The following TRIM66 variants were observed in gnomAD, a reference collection of about 807,000 sequenced individuals.
The protein encoded by TRIM66 is tripartite motif containing 66.
A neutral mutation model predicts 148.2 loss-of-function variants in TRIM66; 99 were observed. The observed-to-expected ratio is 0.67, with a 90% CI of 0.57 to 0.79. The LOEUF is 0.79. Among genes scored for constraint, TRIM66 ranks in the 30% least tolerant of loss-of-function variants. TRIM66 has a pLI of 0.00. For synonymous variants in TRIM66, 616 were observed against 635.9 expected (o/e 0.97, Z 0.47); for missense variants, 1,666 against 1,697.9 (o/e 0.98, Z 0.33).
intron 3 of TRIM66, chr11:8,679,168 A>T (rs1490042725): frequency 6.6e-6 from 1 of 152,246 alleles, no homozygotes; most frequent in Non-Finnish European, 1.5e-5. Flanking sequence ...CACTTTGCAG[A>T]CAGAAAACTC....
At chr11:8,646,396 T>C in intron 11 of TRIM66, 51 bp downstream of exon 11, 1 of 1,455,416 alleles carries the variant, frequency 6.9e-7, no homozygotes, top group African/African-American at 1.4e-5. Flanking sequence ...ACTAGCTTGA[T>C]ATATGGATGG....
Position 8,640,539 on chromosome 11 carries a change from G to C in TRIM66, c.1836C>G (p.Pro612=), listed in dbSNP as rs781323213. 3 of 1,297,942 alleles carry C rather than the reference G, an allele frequency of 2.3e-6. No homozygotes were observed. Among genetic ancestry groups the C allele is most frequent in the Non-Finnish European group, 3.2e-6 (3 of 932,878 alleles). The allele number at this position is 1,297,942 out of a possible 1,614,324, so 80.4% of individuals were successfully genotyped here. ...LPPPPPPLPH[P]PPPLPPPPQQ... ...GTGGGGGAGGGGGAAGGGGAGGTGG[G>C]GGATGGGGGAGGGGTGGTGGTGGAG... The change falls in exon 14 of 25, where the codon CCC becomes CCG. Residue 612 remains proline (P), a synonymous_variant. Transcript: ENST00000646038.
At chr11:8,637,207 C>T (rs375545754) in intron 15 of TRIM66, among the ~76,000 whole-genome samples, 1 of 152,182 alleles carries the variant, frequency 6.6e-6, no homozygotes, top group Non-Finnish European at 1.5e-5. Context: ...GTCTCTTCCA[C>T]CAGACTGTAC....
rs552889745 is a variant in TRIM66 at position 8,648,461 on chromosome 11, A to C, written c.680T>G (p.Met227Arg). Residue 227 changes from methionine (M) to arginine (R), a missense_variant, in exon 9 of 25, where the codon ATG becomes AGG. Coordinates refer to ENST00000646038, the MANE Select transcript of TRIM66 (RefSeq NM_001388022.1). Reference protein sequence around the residue: ...VLKLFCETCDMLTCHSCLVVE... With the variant: ...VLKLFCETCDRLTCHSCLVVE... ...CACTAGGCAGCTATGGCAAGTGAGC[A>C]TATCACATGTCTCACAGAATAGCTT... The C allele has an allele frequency of 4.1e-5, 64 of 1,551,768 alleles. No individual in the cohort carries two copies. In the Admixed American group the frequency reaches 9.8e-4, roughly 24 times the overall value.
At chr11:8,668,114 A>G (rs1022128019) in intron 6 of TRIM66, among the ~76,000 whole-genome samples, 1 of 152,140 alleles carries the variant, frequency 6.6e-6, no homozygotes. Flanking sequence ...TAGCCATCCT[A>G]ATGTACTTGA....
upstream of TRIM66, chr11:8,683,115 C>T: frequency 7.3e-7 from 1 of 1,377,930 alleles, no homozygotes; most frequent in Non-Finnish European, 1.0e-6. Context: ...GTCTTTGACC[C>T]ACAGGCTTAC....
chr11:8,654,908 T>C (rs1001022089), intron 6 of TRIM66, among the ~76,000 whole-genome samples: 1 of 152,060 alleles, frequency 6.6e-6, no homozygotes, highest in Non-Finnish European at 1.5e-5. Flanking sequence ...TCACCCAGGG[T>C]GGACTGCAGC....
chr11:8,644,516 G>A (rs2036681562), intron 12 of TRIM66: 4 of 420,122 alleles, frequency 9.5e-6, no homozygotes, highest in South Asian at 7.0e-5. Flanking sequence ...CTACAGCATT[G>A]TCCCCTTCCT....
At chr11:8,652,526 T>C (rs2037448544) in intron 6 of TRIM66, among the ~76,000 whole-genome samples, 1 of 152,156 alleles carries the variant, frequency 6.6e-6, no homozygotes, top group African/African-American at 2.4e-5. Context: ...ATCATATATA[T>C]GTATATTTTA....
Position 8,624,779 on chromosome 11 carries a change from G to A in TRIM66, c.2760C>T (p.Gly920=). 1 of 1,550,626 alleles carries A rather than the reference G, an allele frequency of 6.4e-7. No homozygotes were observed. Among genetic ancestry groups the A allele is most frequent in the Non-Finnish European group, 8.7e-7 (1 of 1,146,304 alleles). ...QPETGSSSSS[G]RTSGSLCPRD... is the part of the protein sequence containing the mutation. ...TGGGACACAGGCTCCCTGAAGTTCG[G>A]CCAGAACTGGAGCTGGACCCAGTTT... The change falls in exon 16 of 25, where the codon GGC becomes GGT. Residue 920 remains glycine (G), a synonymous_variant. Transcript: ENST00000646038.
At chr11:8,639,157 C>G (rs1431074539) in intron 14 of TRIM66, among the ~76,000 whole-genome samples, 1 of 152,178 alleles carries the variant, frequency 6.6e-6, no homozygotes, top group Non-Finnish European at 1.5e-5. Flanking sequence ...TATTCTATAT[C>G]TCCTCAAAAG....
At chr11:8,619,326 C>CA in intron 23 of TRIM66, 57 bp downstream of exon 23, 3 of 1,414,300 alleles carry the variant, frequency 2.1e-6, no homozygotes, top group Non-Finnish European at 2.8e-6. Context: ...CCTACCCACC[C>CA]ATGACAGTCC....
At position 8,618,797 on chromosome 11, in the gene TRIM66, G is replaced by A. The variant is rs542357384; in HGVS notation, c.4072C>T (p.Pro1358Ser). Residue 1358 changes from proline to serine, a missense_variant, in exon 24 of 25, where the codon CCC becomes TCC. Pro to Ser is a moderately conservative substitution (Grantham distance 74). Transcript: ENST00000646038. Reference sequence around the variant, plus strand: ...GGTTGGATGCCCTCCTGCATGTAGGGAGGCCACGGGAAGCCCTGGGGAGTG... The same window carrying A: ...GGTTGGATGCCCTCCTGCATGTAGGAAGGCCACGGGAAGCCCTGGGGAGTG... The part of the protein sequence containing the change: ...CSTPQGFPWP[P>S]YMQEGIQPKR... 3.2e-6 allele frequency: 5 copies of A among 1,551,260 alleles called. No homozygotes were observed. The highest frequency in any genetic ancestry group is 3.9e-5 in the Admixed American group (2 of 50,970).
In TRIM66 at chr11:8,638,650, G is replaced by C; in HGVS notation, c.2310+4C>G. On this transcript the variant is annotated splice_donor_region_variant and intron_variant, in intron 15 of 24. Coordinates refer to ENST00000646038, the MANE Select transcript of TRIM66 (RefSeq NM_001388022.1). ...TAGTTAGGGAAAACAGGCTCCTTCA[G>C]TACCTTTCTCACCACATTTGGAGAG... 1 of 1,547,638 alleles carries C rather than the reference G, an allele frequency of 6.5e-7. No individual in the cohort carries two copies. The highest frequency in any genetic ancestry group is 2.0e-5 in the Admixed American group (1 of 49,702).
Position 8,672,021 on chromosome 11 carries a change from G to T in TRIM66, c.105C>A (p.Gly35=). The change falls in exon 6 of 25, where the codon GGC becomes GGA. Residue 35 remains glycine (G), a synonymous_variant. Transcript: ENST00000646038. ...AGCTCATGCCCATGTCCACAGCCAT[G>T]CCTGTGCCCAGGACTGGGGCTTTTC... ...ISGKAPVLGT[G]MAVDMGMSFM... is the part of the protein sequence containing the mutation. The T allele has an allele frequency of 6.5e-7, 1 of 1,535,984 alleles. No individual in the cohort carries two copies.
intron 7 of TRIM66, among the ~76,000 whole-genome samples, chr11:8,650,692 A>G (rs1349515885): frequency 6.6e-6 from 1 of 152,214 alleles, no homozygotes; most frequent in Non-Finnish European, 1.5e-5. Flanking sequence ...AAGGAAGCAA[A>G]GGAAGCCTTC....
rs2039103988 is a variant in TRIM66 at position 8,674,833 on chromosome 11, T to C, written c.-139A>G. 6.6e-6 allele frequency: 1 copy of C among 152,264 alleles called. No homozygotes were observed. Among genetic ancestry groups the C allele is most frequent in the South Asian group, 2.1e-4 (1 of 4,836 alleles). The allele number at this position is 152,264 out of a possible 1,614,324, so 9.4% of individuals were successfully genotyped here. ...GTTTCTGCAGTCAATCTGTTATATG[T>C]TGTTTTGTTCACAGTATATGAGGAA... is the stretch of plus-strand genomic sequence containing the variant. On this transcript the variant is annotated 5_prime_UTR_variant, in exon 4 of 25. Transcript: ENST00000646038.
At chr11:8,682,840 C>G (rs371359560), upstream of TRIM66, 3 of 1,609,130 alleles carry the variant, frequency 1.9e-6, no homozygotes, top group East Asian at 6.7e-5. Context: ...TTCTTGCCTC[C>G]TCTTCCTTGC....
At chr11:8,646,343 G>T in intron 11 of TRIM66, 104 bp downstream of exon 11, 2 of 905,454 alleles carry the variant, frequency 2.2e-6, no homozygotes, top group Non-Finnish European at 1.8e-6. Context: ...AGCTATGGAA[G>T]CTGCATATCT....
Sources: allele counts gnomAD v4.1 joint callset (sites outside exome capture counted in the v4.1 genomes callset), GRCh38; gene constraint gnomAD v4.1.1; transcripts MANE v1.5; gene names NCBI Gene and HGNC (gene_info 2026-07-23, HGNC 2026-07-21).